Variants in YIPF1 observed in about 807,000 individuals in gnomAD.
YIPF1 encodes Yip1 domain family member 1.
In YIPF1, 22 loss-of-function variants were observed where a neutral mutation model predicts 37.0. The observed-to-expected ratio is 0.59, with a 90% confidence interval of 0.42 to 0.85. The LOEUF is 0.85. Ranked by LOEUF, YIPF1 falls within the 40% of genes least tolerant of loss-of-function variation. The probability of loss-of-function intolerance (pLI) is 0.00; values close to 1 mark genes in which losing one functional copy is unlikely to be tolerated. For missense variants in YIPF1, 355 were observed against 373.1 expected (o/e 0.95, Z 0.40); for synonymous variants, 128 against 131.9 (o/e 0.97, Z 0.21).
intron 4 of YIPF1, among the ~76,000 whole-genome samples, chr1:53,881,106 T>C (rs1380902310): frequency 6.6e-6 from 1 of 151,594 alleles, no homozygotes; most frequent in African/African-American, 2.4e-5. Context: ...CTACTAAAAA[T>C]ACAAAAATTA....
chr1:53,852,588 G>A (rs1649623380), intron 10 of YIPF1, among the ~76,000 whole-genome samples: 1 of 152,164 alleles, frequency 6.6e-6, no homozygotes, highest in African/African-American at 2.4e-5. Context: ...TGACAGCACT[G>A]TGTTAAGCAC....
At chr1:53,864,841 C>T (rs999514301) in intron 9 of YIPF1, among the ~76,000 whole-genome samples, 2 of 152,188 alleles carry the variant, frequency 1.3e-5, no homozygotes, top group African/African-American at 2.4e-5. Context: ...TGGGCATTTA[C>T]AGGACAAGTT....
At position 53,887,371 on chromosome 1, in the gene YIPF1, C is replaced by A. The variant is rs537068720; in HGVS notation, c.31+1536G>T. Among the ~76,000 whole-genome samples, 3 of 152,032 alleles carry A rather than the reference C, an allele frequency of 2.0e-5. No homozygotes were observed. The South Asian group carries it at 6.2e-4, about 31-fold the overall frequency. On this transcript the variant is annotated intron_variant, in intron 3 of 10. Coordinates refer to ENST00000072644, the MANE Select transcript of YIPF1 (RefSeq NM_018982.5). ...CTGGGATTACAGGTGTGAGCCACTG[C>A]GCCCAGCCTGGCTTTTTCTTCTAGT...
At chr1:53,888,813 C>A in intron 3 of YIPF1, 94 bp downstream of exon 3, 1 of 1,217,604 alleles carries the variant, frequency 8.2e-7, no homozygotes, top group South Asian at 1.8e-5. Context: ...AAATAATATC[C>A]TTCAATGTGT....
intron 6 of YIPF1, 58 bp downstream of exon 6, chr1:53,878,257 C>A: frequency 6.4e-7 from 1 of 1,565,802 alleles, no homozygotes; most frequent in Non-Finnish European, 8.8e-7. Context: ...TTCCAGGCAA[C>A]CCTCACACTC....
At chr1:53,886,005 A>G (rs1650642884) in intron 3 of YIPF1, among the ~76,000 whole-genome samples, 1 of 151,852 alleles carries the variant, frequency 6.6e-6, no homozygotes, top group Non-Finnish European at 1.5e-5. Flanking sequence ...ATGAAAATTA[A>G]AAAATTTTTA....
intron 7 of YIPF1, among the ~76,000 whole-genome samples, chr1:53,867,646 G>T (rs1164005578): frequency 6.6e-6 from 1 of 152,088 alleles, no homozygotes; most frequent in African/African-American, 2.4e-5. Context: ...TTACAGGCGT[G>T]AGCCACCACG....
chr1:53,882,327 A>C (rs1366746268), intron 4 of YIPF1, among the ~76,000 whole-genome samples: 1 of 152,188 alleles, frequency 6.6e-6, no homozygotes, highest in Non-Finnish European at 1.5e-5. Flanking sequence ...GTTAAAATAA[A>C]AGTCGAAGAA....
chr1:53,878,455 T>A, intron 5 of YIPF1, 53 bp from the exon 6 acceptor site: 2 of 1,576,394 alleles, frequency 1.3e-6, no homozygotes, highest in South Asian at 2.3e-5. Context: ...TTTAATAAAT[T>A]CAACTACTAC....
chr1:53,852,529 C>A (rs977962753), intron 10 of YIPF1, among the ~76,000 whole-genome samples: 3 of 152,224 alleles, frequency 2.0e-5, no homozygotes, highest in African/African-American at 7.2e-5. Context: ...CCTTTCCAAG[C>A]CAGATCCTAA....
intron 10 of YIPF1, among the ~76,000 whole-genome samples, chr1:53,855,980 A>C (rs771530629): frequency 6.6e-6 from 1 of 152,180 alleles, no homozygotes; most frequent in Non-Finnish European, 1.5e-5. Context: ...AAGGTAGGTT[A>C]CTGGTGAGAT....
intron 9 of YIPF1, among the ~76,000 whole-genome samples, chr1:53,861,566 A>AAG (rs954897327): frequency 6.7e-5 from 10 of 149,526 alleles, no homozygotes; most frequent in Non-Finnish European, 1.2e-4. Flanking sequence ...GTGGTGACTC[A>AAG]AGAGAGAGAG....
At chr1:53,880,814 G>A (rs918201750) in intron 4 of YIPF1, among the ~76,000 whole-genome samples, 5 of 152,220 alleles carry the variant, frequency 3.3e-5, no homozygotes, top group African/African-American at 1.2e-4. Flanking sequence ...AATGGGGAAA[G>A]GATTCCCTAT....
intron 4 of YIPF1, among the ~76,000 whole-genome samples, chr1:53,882,789 CA>C (rs35910176): frequency 0.62 from 93,594 of 151,912 alleles, 29,429 homozygotes; most frequent in East Asian, 0.86. Context: ...ATAGCAAGGA[CA>C]GCATCAATAT....
intron 3 of YIPF1, among the ~76,000 whole-genome samples, chr1:53,884,685 C>T (rs1650595307): frequency 6.6e-6 from 1 of 152,200 alleles, no homozygotes; most frequent in Admixed American, 6.5e-5. Flanking sequence ...GATCCTGAAC[C>T]ATGTTACCAA....
At chr1:53,860,008 C>A in intron 10 of YIPF1, 48 bp downstream of exon 10, 1 of 1,578,738 alleles carries the variant, frequency 6.3e-7, no homozygotes, top group South Asian at 1.1e-5. Flanking sequence ...GATACACCTG[C>A]CCATGTTTTA....
At chr1:53,881,729 G>A (rs115905733) in intron 4 of YIPF1, among the ~76,000 whole-genome samples, 1,545 of 152,198 alleles carry the variant, frequency 0.01, 25 homozygotes, top group African/African-American at 0.034. Context: ...GTGAAGTTGC[G>A]GAGAAAAAGG....
At chr1:53,878,138 T>C (rs1222557202) in intron 6 of YIPF1, among the ~76,000 whole-genome samples, 177 bp downstream of exon 6, 3 of 152,246 alleles carry the variant, frequency 2.0e-5, no homozygotes, top group South Asian at 2.1e-4. Flanking sequence ...GTGGCACTAA[T>C]ATAACACATA....
intron 7 of YIPF1, 44 bp downstream of exon 7, chr1:53,871,328 C>T: frequency 6.4e-7 from 1 of 1,573,502 alleles, no homozygotes; most frequent in Non-Finnish European, 8.7e-7. Context: ...GAACTCAAAG[C>T]TAGAAACTGA....
Sources: gnomAD v4.1 joint callset for allele counts (sites outside exome capture counted in the v4.1 genomes callset) on GRCh38, gnomAD v4.1.1 for gene constraint, MANE v1.5 for transcripts, NCBI Gene and HGNC (gene_info 2026-07-23, HGNC 2026-07-21) for gene names.